HCN1: variants seen among roughly 807,000 people sequenced by gnomAD.
The protein encoded by HCN1 is potassium/sodium hyperpolarization-activated cyclic nucleotide-gated channel 1.
Under a neutral mutation model 78.9 loss-of-function variants are expected in HCN1, and 13 were observed. The ratio of observed to expected loss-of-function variants is 0.16; its 90% CI spans 0.11 to 0.26. The LOEUF (loss-of-function observed/expected upper bound fraction) is 0.26, where lower values mean the gene tolerates loss of function less well. Ranked by LOEUF, HCN1 falls within the 10% of genes least tolerant of loss-of-function variation. HCN1 has a pLI of 1.00. For synonymous variants in HCN1, 552 were observed against 455.5 expected, an observed-to-expected ratio of 1.21 and a Z score of -2.70; for missense variants, 810 against 1,154.3, an observed-to-expected ratio of 0.70 and a Z score of 4.32.
intron 4 of HCN1, among the ~76,000 whole-genome samples, chr5:45,394,144 A>G (rs1218491754): frequency 6.6e-6 from 1 of 152,156 alleles, no homozygotes; most frequent in Non-Finnish European, 1.5e-5. Flanking sequence ...GTTGGGAGAC[A>G]TGGATCTGGA....
At chr5:45,293,986 G>T (rs1745434001) in intron 6 of HCN1, among the ~76,000 whole-genome samples, 1 of 151,924 alleles carries the variant, frequency 6.6e-6, no homozygotes, top group Non-Finnish European at 1.5e-5. Context: ...ACTCCATAAG[G>T]AGATTAATCG....
intron 3 of HCN1, among the ~76,000 whole-genome samples, chr5:45,401,715 A>T (rs7446182): frequency 0.51 from 77,344 of 150,334 alleles, 21,521 homozygotes; most frequent in African/African-American, 0.73. Flanking sequence ...AATTAATGGA[A>T]TGTCTTTTGT....
intron 3 of HCN1, among the ~76,000 whole-genome samples, chr5:45,417,722 C>A (rs535247461): frequency 7.6e-6 from 1 of 131,704 alleles, no homozygotes; most frequent in African/African-American, 2.9e-5. Flanking sequence ...TAAATAAGAG[C>A]TACCCAGGGT....
intron 3 of HCN1, among the ~76,000 whole-genome samples, chr5:45,437,223 T>A (rs538038088): frequency 6.6e-6 from 1 of 152,318 alleles, no homozygotes; most frequent in African/African-American, 2.4e-5. Context: ...ATGAATCGGG[T>A]ATGATCAAGC....
chr5:45,667,347 T>C (rs1349725139), intron 1 of HCN1, among the ~76,000 whole-genome samples: 1 of 151,982 alleles, frequency 6.6e-6, no homozygotes, highest in African/African-American at 2.4e-5. Flanking sequence ...GCAAAACAAA[T>C]ATCCAAGGGA....
chr5:45,486,930 T>C (rs142942468), intron 2 of HCN1, among the ~76,000 whole-genome samples: 20 of 152,246 alleles, frequency 1.3e-4, no homozygotes, highest in African/African-American at 4.8e-4. Context: ...GTAAATTAGA[T>C]GTTCACAATT....
intron 2 of HCN1, among the ~76,000 whole-genome samples, chr5:45,531,321 T>A (rs933459951): frequency 2.0e-5 from 3 of 152,188 alleles, no homozygotes; most frequent in African/African-American, 7.2e-5. Context: ...CATTCCTTAA[T>A]TGCTTAATTA....
chr5:45,434,282 A>G (rs1240708297), intron 3 of HCN1, among the ~76,000 whole-genome samples: 1 of 152,184 alleles, frequency 6.6e-6, no homozygotes. Flanking sequence ...GTTCCTAATT[A>G]TTGGTAATAC....
At chr5:45,376,033 T>G (rs1242615195) in intron 4 of HCN1, among the ~76,000 whole-genome samples, 1 of 113,076 alleles carries the variant, frequency 8.8e-6, no homozygotes, top group Non-Finnish European at 1.6e-5. Context: ...ATCTATAATA[T>G]AATATTTTAT....
At chr5:45,488,978 C>A (rs896300396) in intron 2 of HCN1, among the ~76,000 whole-genome samples, 3 of 152,144 alleles carry the variant, frequency 2.0e-5, no homozygotes, top group African/African-American at 7.2e-5. Context: ...AAAACAGTTG[C>A]TGAATGCCTG....
At chr5:45,339,107 G>C (rs1746522464) in intron 5 of HCN1, among the ~76,000 whole-genome samples, 1 of 152,104 alleles carries the variant, frequency 6.6e-6, no homozygotes. Context: ...TTATTAAGCA[G>C]TCATGATTCT....
chr5:45,373,710 A>G (rs1472609993), intron 4 of HCN1, among the ~76,000 whole-genome samples: 1 of 121,502 alleles, frequency 8.2e-6, no homozygotes, highest in Non-Finnish European at 1.7e-5. Context: ...TACGTCATCT[A>G]TAATATATTA....
At position 45,696,016 on chromosome 5, in the gene HCN1, G is replaced by A. The variant is rs1245838252; in HGVS notation, c.78C>T (p.Ser26=). ...CCGCGGCCGGCCCCGCGCCCGTCGC[G>A]GACGCCTTGGCGGGGAAGACGCTGT... ...DGNSVFPAKA[S]ATGAGPAAAE... is the part of the protein sequence containing the mutation. The change falls in exon 1 of 8, where the codon TCC becomes TCT. Residue 26 remains serine (S), a synonymous_variant. Transcript: ENST00000303230. The A allele has an allele frequency of 1.7e-5, 22 of 1,309,034 alleles. No individual in the cohort carries two copies. In the East Asian group the frequency reaches 7.8e-4, roughly 47 times the overall value. The allele number at this position is 1,309,034 out of a possible 1,614,324, so 81.1% of individuals were successfully genotyped here.
intron 4 of HCN1, among the ~76,000 whole-genome samples, chr5:45,367,565 A>G (rs965965704): frequency 6.6e-6 from 1 of 151,896 alleles, no homozygotes; most frequent in Non-Finnish European, 1.5e-5. Context: ...GAAAATCATT[A>G]ATGGAGTTTA....
At chr5:45,560,414 C>A (rs1743572778) in intron 2 of HCN1, among the ~76,000 whole-genome samples, 1 of 151,902 alleles carries the variant, frequency 6.6e-6, no homozygotes, top group East Asian at 1.9e-4. Context: ...CCTACAATTT[C>A]TAAACGGTCA....
chr5:45,465,393 G>A (rs951870184), intron 2 of HCN1, among the ~76,000 whole-genome samples: 5 of 152,036 alleles, frequency 3.3e-5, no homozygotes, highest in Admixed American at 2.6e-4. Context: ...TCTCTTCCCC[G>A]ACTAGCAATA....
At chr5:45,417,926 A>G (rs1271202872) in intron 3 of HCN1, among the ~76,000 whole-genome samples, 1 of 151,858 alleles carries the variant, frequency 6.6e-6, no homozygotes, top group Non-Finnish European at 1.5e-5. Flanking sequence ...AAGATAGAAA[A>G]ACGTGTTAAT....
intron 2 of HCN1, among the ~76,000 whole-genome samples, chr5:45,586,613 G>A (rs536275293): frequency 3.3e-5 from 5 of 152,192 alleles, no homozygotes; most frequent in South Asian, 2.1e-4. Flanking sequence ...CTTCTGTGTC[G>A]CTCAGGCTGG....
chr5:45,658,381 G>C (rs1745829985), intron 1 of HCN1, among the ~76,000 whole-genome samples: 1 of 152,180 alleles, frequency 6.6e-6, no homozygotes, highest in Non-Finnish European at 1.5e-5. Flanking sequence ...AGTCAGAATT[G>C]ACAAATGGGA....
Sources: allele counts gnomAD v4.1 joint callset (sites outside exome capture counted in the v4.1 genomes callset), GRCh38; gene constraint gnomAD v4.1.1; transcripts MANE v1.5; gene names NCBI Gene and HGNC (gene_info 2026-07-23, HGNC 2026-07-21).